Variants in CFAP47 observed in about 807,000 individuals in gnomAD.
CFAP47 encodes the protein cilia and flagella associated protein 47, also known as cilia- and flagella-associated protein 47.
In CFAP47, 29 loss-of-function variants were observed where a neutral mutation model predicts 148.1. The observed-to-expected ratio is 0.20, with a 90% CI of 0.15 to 0.27. The LOEUF is 0.27. Ranked by LOEUF, CFAP47 falls within the 10% of genes least tolerant of loss-of-function variation. The probability of loss-of-function intolerance (pLI) is 1.00; values close to 1 mark genes in which losing one functional copy is unlikely to be tolerated. For missense variants in CFAP47, 1,872 were observed against 1,697.5 expected, an observed-to-expected ratio of 1.10 and a Z score of -1.81; for synonymous variants, 664 against 577.3, an observed-to-expected ratio of 1.15 and a Z score of -2.15.
chrX:36,264,560 C>T (rs1940868010), intron 49 of CFAP47, among the ~76,000 whole-genome samples: 3 of 111,619 alleles, frequency 2.7e-5, no homozygotes, highest in Middle Eastern at 4.2e-3. Context: ...AAATACCCCA[C>T]AATTGCTATG....
At position 36,282,091 on chromosome X, in the gene CFAP47, G is replaced by A. The variant is rs781870842; in HGVS notation, c.7588+1461G>A. Among the ~76,000 whole-genome samples, 174 of 111,080 alleles carry A rather than the reference G, an allele frequency of 1.6e-3. 1 individual carries two copies. The highest frequency in any genetic ancestry group is 5.2e-3 in the African/African-American group (161 of 30,720). ...AAAGTTTTGGAGATTGTAACACTTA[G>A]CAAAGTTTTGTACTTCATGATGTTG... On this transcript the variant is annotated intron_variant, in intron 50 of 63. Transcript: ENST00000378653.
At chrX:36,337,934 T>G (rs892784458) in intron 57 of CFAP47, among the ~76,000 whole-genome samples, 4 of 97,644 alleles carry the variant, frequency 4.1e-5, no homozygotes, top group Non-Finnish European at 8.2e-5. Flanking sequence ...TGTGGCGCGA[T>G]CTCGGCTCAC....
chrX:36,006,831 G>T (rs1286060853), intron 21 of CFAP47, among the ~76,000 whole-genome samples: 1 of 112,058 alleles, frequency 8.9e-6, no homozygotes, highest in Non-Finnish European at 1.9e-5. Flanking sequence ...CTATATGGTA[G>T]TCAGTACCTA....
chrX:36,101,927 T>C (rs1264762556), intron 32 of CFAP47, among the ~76,000 whole-genome samples: 1 of 111,689 alleles, frequency 9.0e-6, no homozygotes, highest in African/African-American at 3.3e-5. Context: ...GCAAAGTTCA[T>C]GTGAACCTGA....
At chrX:36,112,232 G>A (rs1938567391) in intron 33 of CFAP47, among the ~76,000 whole-genome samples, 1 of 111,339 alleles carries the variant, frequency 9.0e-6, no homozygotes, top group Admixed American at 9.5e-5. Flanking sequence ...TTTTCATGTG[G>A]GCATTTAGTG....
intron 52 of CFAP47, among the ~76,000 whole-genome samples, chrX:36,300,674 T>A (rs1265256649): frequency 8.9e-6 from 1 of 112,177 alleles, no homozygotes; most frequent in Non-Finnish European, 1.9e-5. Context: ...TCTCTAGAGC[T>A]ATATGTCACT....
chrX:36,222,864 G>A (rs1285147357), intron 45 of CFAP47, among the ~76,000 whole-genome samples: 1 of 110,956 alleles, frequency 9.0e-6, no homozygotes, highest in Non-Finnish European at 1.9e-5. Flanking sequence ...GATATAGTTT[G>A]GATCTGTGTC....
intron 27 of CFAP47, among the ~76,000 whole-genome samples, chrX:36,067,725 T>C (rs1451238982): frequency 3.8e-5 from 4 of 105,780 alleles, no homozygotes; most frequent in Non-Finnish European, 3.9e-5. Flanking sequence ...TGCAGTGGCA[T>C]GATCTTGGCT....
At chrX:35,968,255 T>C (rs1936438235) in intron 10 of CFAP47, among the ~76,000 whole-genome samples, 1 of 111,090 alleles carries the variant, frequency 9.0e-6, no homozygotes, top group African/African-American at 3.3e-5. Context: ...GTTATCATCA[T>C]CATCATCATC....
In CFAP47 at chrX:36,361,264, G is replaced by C. The variant is rs1941825812; in HGVS notation, c.8852-66G>C. ...ACCTGTGCATTGTTAGTCTTGACAG[G>C]TAATTGATATTAAATCTATGCATAT... On this transcript the variant is annotated intron_variant, in intron 60 of 63. Coordinates refer to ENST00000378653, the MANE Select transcript of CFAP47 (RefSeq NM_001304548.2). 6.7e-6 allele frequency: 4 copies of C among 600,308 alleles called. No homozygotes were observed. The Admixed American group carries it at 1.5e-4, about 22-fold the overall frequency. 49.5% of individuals were successfully genotyped at this position (600,308 alleles called of 1,213,427 possible). A position where few individuals can be genotyped will look rare whatever the true frequency, so the allele number is the denominator to read the frequency against.
chrX:36,261,902 C>T lies in CFAP47; in HGVS notation c.7444+10458C>T, dbSNP rs184407938. On this transcript the variant is annotated intron_variant, in intron 49 of 63. Transcript: ENST00000378653. ...CGCCTCACTTCCCAGAAGGGGCGGC[C>T]GGGCAGAGGCGCCCCCCACCTCCCG... is the stretch of plus-strand genomic sequence containing the variant. Among the ~76,000 whole-genome samples, 189 of 110,917 alleles carry T rather than the reference C, an allele frequency of 1.7e-3. 1 individual carries two copies. The East Asian group carries it at 0.042, about 25-fold the overall frequency.
chrX:35,992,386 A>AT (rs1169403200), intron 17 of CFAP47, among the ~76,000 whole-genome samples: 58 of 106,003 alleles, frequency 5.5e-4, no homozygotes, highest in African/African-American at 1.3e-3. Flanking sequence ...CAAAGTGGTG[A>AT]TTTTTTTTTT....
At chrX:36,154,084 C>G (rs1238356275) in intron 37 of CFAP47, among the ~76,000 whole-genome samples, 1 of 111,979 alleles carries the variant, frequency 8.9e-6, no homozygotes, top group East Asian at 2.8e-4. Context: ...TGCCCACACC[C>G]TTGTTCTCCC....
intron 62 of CFAP47, among the ~76,000 whole-genome samples, chrX:36,373,225 G>C (rs1167559610): frequency 1.8e-5 from 2 of 111,273 alleles, no homozygotes; most frequent in African/African-American, 6.5e-5. Context: ...AAATTTTACA[G>C]TTTTCAGTGT....
At chrX:36,037,338 T>TTTGTTGTTGTTG (rs768498053) in intron 24 of CFAP47, among the ~76,000 whole-genome samples, 11 of 106,177 alleles carry the variant, frequency 1.0e-4, no homozygotes, top group African/African-American at 3.2e-4. Flanking sequence ...AACTTTACTC[T>TTTGTTGTTGTTG]TTGTTGTTGT....
intron 49 of CFAP47, among the ~76,000 whole-genome samples, chrX:36,268,935 G>A (rs1217946761): frequency 8.9e-6 from 1 of 111,766 alleles, no homozygotes; most frequent in Admixed American, 9.5e-5. Flanking sequence ...CAGGATTTAA[G>A]CATAATCTAT....
At chrX:36,021,728 T>C (rs776286218) in intron 22 of CFAP47, among the ~76,000 whole-genome samples, 4 of 101,389 alleles carry the variant, frequency 3.9e-5, no homozygotes, top group Non-Finnish European at 8.0e-5. Context: ...CCGTGTGTTC[T>C]CACTGTTCAA....
At chrX:35,924,221 A>G (rs932283036) in intron 1 of CFAP47, among the ~76,000 whole-genome samples, 2 of 102,294 alleles carry the variant, frequency 2.0e-5, no homozygotes, top group African/African-American at 3.9e-5. Flanking sequence ...GTGTGCATGT[A>G]TGTGTATATA....
chrX:36,236,018 C>T lies in CFAP47; in HGVS notation c.7099C>T (p.Pro2367Ser). The T allele has an allele frequency of 1.9e-6, 1 of 514,723 alleles. No individual in the cohort carries two copies. Among genetic ancestry groups the T allele is most frequent in the Non-Finnish European group, 3.5e-6 (1 of 282,671 alleles). The allele number at this position is 514,723 out of a possible 1,213,427, so 42.4% of individuals were successfully genotyped here. ...TGGACCTGTTGATTTACATGTTGGACCAGATGAAATTGTGGAGTATCCTCT... is the reference window on the plus strand; with the variant it reads ...TGGACCTGTTGATTTACATGTTGGATCAGATGAAATTGTGGAGTATCCTCT... ...FYGPVDLHVG[P>S]DEIVEYPLTF... The change falls in exon 47 of 64, where the codon CCA becomes TCA. Residue 2367 changes from proline (P) to serine (S), a missense_variant. Transcript: ENST00000378653.
Sources: allele counts gnomAD v4.1 joint callset (sites outside exome capture counted in the v4.1 genomes callset), GRCh38; gene constraint gnomAD v4.1.1; transcripts MANE v1.5; gene names NCBI Gene and HGNC (gene_info 2026-07-23, HGNC 2026-07-21).